MYH9: variants seen among roughly 807,000 people sequenced by gnomAD.
MYH9 encodes myosin heavy chain 9.
Under a neutral mutation model 241.9 loss-of-function variants are expected in MYH9, and 29 were observed. The observed-to-expected ratio is 0.12, with a 90% CI of 0.09 to 0.16. The LOEUF (loss-of-function observed/expected upper bound fraction) is 0.16, where lower values mean the gene tolerates loss of function less well. Ranked by LOEUF, MYH9 falls within the 10% of genes least tolerant of loss-of-function variation. The pLI, the probability that MYH9 is intolerant of heterozygous loss-of-function variation, is 1.00. For synonymous variants in MYH9, 1,047 were observed against 1,062.6 expected, an observed-to-expected ratio of 0.99 and a Z score of 0.29; for missense variants, 1,803 against 2,595.5, an observed-to-expected ratio of 0.69 and a Z score of 6.63.
At chr22:36,348,426 T>C (rs2017712359) in intron 2 of MYH9, among the ~76,000 whole-genome samples, 1 of 150,626 alleles carries the variant, frequency 6.6e-6, no homozygotes, top group African/African-American at 2.4e-5. Context: ...GGAAAATCGC[T>C]TGAACCCAGG....
At chr22:36,302,296 T>G (rs778211833) in intron 20 of MYH9, 1 of 382,996 alleles carries the variant, frequency 2.6e-6, no homozygotes, top group East Asian at 5.3e-5. Flanking sequence ...AAAGAGATTT[T>G]TTTTTTAAAG....
At chr22:36,365,726 G>A (rs1283411493) in intron 1 of MYH9, among the ~76,000 whole-genome samples, 2 of 152,116 alleles carry the variant, frequency 1.3e-5, no homozygotes, top group African/African-American at 4.8e-5. Context: ...CTTCCAAAGT[G>A]CTGGGATTAC....
intron 15 of MYH9, among the ~76,000 whole-genome samples, chr22:36,307,746 G>C (rs909250590): frequency 1.3e-5 from 2 of 152,172 alleles, no homozygotes; most frequent in Non-Finnish European, 2.9e-5. Context: ...AAGTTAGCTG[G>C]GCGTGGTGGC....
intron 12 of MYH9, among the ~76,000 whole-genome samples, chr22:36,314,712 A>C (rs1174818813): frequency 6.6e-6 from 1 of 151,924 alleles, no homozygotes; most frequent in Non-Finnish European, 1.5e-5. Context: ...ACAATGGCGC[A>C]ATCTCAGCTC....
intron 2 of MYH9, among the ~76,000 whole-genome samples, chr22:36,341,838 C>A (rs1378916471): frequency 6.6e-6 from 1 of 152,228 alleles, no homozygotes; most frequent in African/African-American, 2.4e-5. Context: ...ACAGCAAAGT[C>A]CAGTTACAAA....
At chr22:36,343,548 TAA>T (rs5845270) in intron 2 of MYH9, among the ~76,000 whole-genome samples, 41 of 124,944 alleles carry the variant, frequency 3.3e-4, no homozygotes, top group Admixed American at 4.1e-4. Context: ...ACCCTGCTCT[TAA>T]AAAAAAAAAA....
Position 36,293,282 on chromosome 22 carries a change from C to T in MYH9, c.4095+47G>A. 1 of 1,611,804 alleles carries T rather than the reference C, an allele frequency of 6.2e-7. No individual in the cohort carries two copies. The highest frequency in any genetic ancestry group is 8.5e-7 in the Non-Finnish European group (1 of 1,179,372). On this transcript the variant is annotated intron_variant, in intron 30 of 40. Transcript: ENST00000216181. This position sits in a 1 kb window ranked among gnomAD's most constrained non-coding sequence, Gnocchi z 5.1. ...AGTGCCCAGGCCAGTGCCCGGCCAG[C>T]AGCTCCCCAGCCTGCAGAGTCCGGC...
intron 4 of MYH9, among the ~76,000 whole-genome samples, chr22:36,326,957 G>T (rs1356906467): frequency 6.6e-6 from 1 of 152,206 alleles, no homozygotes; most frequent in African/African-American, 2.4e-5. Flanking sequence ...GGCAGCTGTG[G>T]ACTTAGGGGT....
chr22:36,316,918 A>T (rs1557538), intron 11 of MYH9, among the ~76,000 whole-genome samples: 1 of 143,422 alleles, frequency 7.0e-6, no homozygotes, highest in African/African-American at 2.6e-5. Context: ...AAATAAAATG[A>T]GGACACACTA....
rs891471890 is a variant in MYH9, at chr22:36,282,355, C to T, written c.*313G>A. The T allele has an allele frequency of 1.1e-5, 6 of 539,338 alleles. No individual in the cohort carries two copies. Among genetic ancestry groups the T allele is most frequent in the African/African-American group, 1.9e-5 (1 of 52,918 alleles). The allele number at this position is 539,338 out of a possible 1,614,324, so 33.4% of individuals were successfully genotyped here. On this transcript the variant is annotated 3_prime_UTR_variant, in exon 41 of 41. Transcript: ENST00000216181. ...CCCCTCCCCGGGGGCCTGCCCTGCT[C>T]GCCTCAACATCTTGTGCTTTTTGGC...
intron 2 of MYH9, among the ~76,000 whole-genome samples, chr22:36,343,523 G>C (rs1415597075): frequency 6.7e-6 from 1 of 149,784 alleles, no homozygotes; most frequent in Admixed American, 6.7e-5. Flanking sequence ...GCTCCAGCCT[G>C]GGTGACAGAG....
In MYH9 at chr22:36,292,820, C is replaced by T. The variant is rs367909288; in HGVS notation, c.4095+509G>A. On this transcript the variant is annotated intron_variant, in intron 30 of 40. Transcript: ENST00000216181. ...CTTCTCATGACAATGTTGTAACAGG[C>T]ATGAAATAAACATGGGATCAGCAGG... Among the ~76,000 whole-genome samples, 5 of 152,342 alleles carry T rather than the reference C, an allele frequency of 3.3e-5. No homozygotes were observed. The South Asian group carries it at 8.3e-4, about 25-fold the overall frequency.
intron 31 of MYH9, among the ~76,000 whole-genome samples, chr22:36,291,197 T>G (rs1024662309): frequency 6.6e-6 from 1 of 151,964 alleles, no homozygotes; most frequent in African/African-American, 2.4e-5. Context: ...AGCTCATTGA[T>G]AGCGGGCCAT....
chr22:36,367,564 G>A (rs893671248), intron 1 of MYH9, among the ~76,000 whole-genome samples: 2 of 152,180 alleles, frequency 1.3e-5, no homozygotes, highest in Admixed American at 6.5e-5. Flanking sequence ...TTAACTTACC[G>A]CTCCTAGACT....
At chr22:36,323,914 T>C (rs2017295105) in intron 5 of MYH9, among the ~76,000 whole-genome samples, 1 of 152,198 alleles carries the variant, frequency 6.6e-6, no homozygotes, top group Non-Finnish European at 1.5e-5. Context: ...GCACCAGTGG[T>C]AACTGGACAC....
At chr22:36,303,953 C>A in intron 19 of MYH9, 42 bp downstream of exon 19, 1 of 1,609,656 alleles carries the variant, frequency 6.2e-7, no homozygotes, top group Non-Finnish European at 8.5e-7. Flanking sequence ...AAGGGCGTGG[C>A]AAGGCCTGGC....
intron 25 of MYH9, among the ~76,000 whole-genome samples, 168 bp downstream of exon 25, chr22:36,296,675 C>A (rs1045446441): frequency 1.3e-5 from 2 of 151,958 alleles, no homozygotes; most frequent in African/African-American, 4.8e-5. Context: ...AGGCCCCTCA[C>A]CATGCCCTGA....
chr22:36,353,076 C>G (rs1428228949), intron 1 of MYH9, among the ~76,000 whole-genome samples: 1 of 151,042 alleles, frequency 6.6e-6, no homozygotes, highest in African/African-American at 2.5e-5. Flanking sequence ...GCTGCTGTTT[C>G]CACTCGTATC....
At chr22:36,327,100 T>C (rs945576232) in intron 4 of MYH9, among the ~76,000 whole-genome samples, 2 of 152,208 alleles carry the variant, frequency 1.3e-5, no homozygotes, top group African/African-American at 4.8e-5. Context: ...TCTACTTCAA[T>C]TCAGGTAAAG....
Sources: allele counts gnomAD v4.1 joint callset (sites outside exome capture counted in the v4.1 genomes callset), GRCh38; gene constraint gnomAD v4.1.1; non-coding constraint Gnocchi (gnomAD v3.1); transcripts MANE v1.5; gene names NCBI Gene and HGNC (gene_info 2026-07-23, HGNC 2026-07-21).